Variants in ELK3 observed in about 807,000 individuals in gnomAD.
ELK3 encodes ETS domain-containing protein Elk-3.
Under a neutral mutation model 28.9 loss-of-function variants are expected in ELK3, and 10 were observed. The ratio of observed to expected loss-of-function variants is 0.35; its 90% CI spans 0.21 to 0.59. The LOEUF is 0.59. Among genes scored for constraint, ELK3 ranks in the 20% least tolerant of loss-of-function variants. The pLI, the probability that ELK3 is intolerant of heterozygous loss-of-function variation, is 0.82. For synonymous variants in ELK3, 272 were observed against 243.5 expected (o/e 1.12, Z -1.09); for missense variants, 463 against 517.3 (o/e 0.90, Z 1.02).
At chr12:96,195,281 T>TG (rs139536848) in intron 1 of ELK3, among the ~76,000 whole-genome samples, 1 of 149,578 alleles carries the variant, frequency 6.7e-6, no homozygotes, top group Non-Finnish European at 1.5e-5. Context: ...GGTGTGGGGC[T>TG]GGGGGCTGCG....
chr12:96,250,007 A>G (rs1270544595), intron 3 of ELK3, among the ~76,000 whole-genome samples: 1 of 152,154 alleles, frequency 6.6e-6, no homozygotes, highest in Admixed American at 6.5e-5. Flanking sequence ...TAGTGCCAGG[A>G]AGCCCAGAAA....
At chr12:96,238,157 T>C (rs545049088) in intron 2 of ELK3, among the ~76,000 whole-genome samples, 196 of 152,284 alleles carry the variant, frequency 1.3e-3, no homozygotes, top group Non-Finnish European at 1.4e-3. Context: ...CAGAATAAAA[T>C]GAAAAGTGTG....
At chr12:96,219,769 A>G (rs1951649271) in intron 1 of ELK3, among the ~76,000 whole-genome samples, 1 of 152,206 alleles carries the variant, frequency 6.6e-6, no homozygotes, top group African/African-American at 2.4e-5. Flanking sequence ...TGCAATGATA[A>G]GCTCACAGGA....
rs1952042230 is a variant in ELK3, at chr12:96,267,310, G to C, written c.*130G>C. On this transcript the variant is annotated 3_prime_UTR_variant, in exon 5 of 5. Coordinates refer to ENST00000228741, the MANE Select transcript of ELK3 (RefSeq NM_005230.4). ...TTTGGTTTGCACTTTTCATAACATG[G>C]ATAGTCTAGATTTATGTTAGCATTT... 1 of 678,580 alleles carries C rather than the reference G, an allele frequency of 1.5e-6. No individual in the cohort carries two copies. The highest frequency in any genetic ancestry group is 2.4e-6 in the Non-Finnish European group (1 of 412,558). 42.0% of individuals were successfully genotyped at this position (678,580 alleles called of 1,614,324 possible).
At chr12:96,261,899 A>G (rs115879861) in intron 4 of ELK3, among the ~76,000 whole-genome samples, 19 of 152,224 alleles carry the variant, frequency 1.2e-4, no homozygotes, top group African/African-American at 3.9e-4. Context: ...CTGTAGACCA[A>G]TGGTTCTCAA....
intron 2 of ELK3, among the ~76,000 whole-genome samples, chr12:96,242,037 G>A (rs1293384821): frequency 6.6e-6 from 1 of 152,224 alleles, no homozygotes; most frequent in African/African-American, 2.4e-5. Flanking sequence ...AACCACGCTG[G>A]AGATGCACTC....
At chr12:96,263,106 T>C (rs183166817) in intron 4 of ELK3, among the ~76,000 whole-genome samples, 189 of 152,340 alleles carry the variant, frequency 1.2e-3, no homozygotes, top group African/African-American at 4.2e-3. Flanking sequence ...ATTGGAAAGG[T>C]TGATCAGAAT....
Position 96,247,621 on chromosome 12 carries a change from T to C in ELK3, c.889T>C (p.Leu297=). 6.2e-7 allele frequency: 1 copy of C among 1,613,630 alleles called. No individual in the cohort carries two copies. Among genetic ancestry groups the C allele is most frequent in the Non-Finnish European group, 8.5e-7 (1 of 1,179,998 alleles). ...LPPKAKKPKG[L]EISAPPLVLS... Reference sequence around the variant, plus strand: ...CCCAAAGGCCAAAAAACCCAAAGGCTTGGAAATCTCAGCGCCCCCGCTGGT... The same window carrying C: ...CCCAAAGGCCAAAAAACCCAAAGGCCTGGAAATCTCAGCGCCCCCGCTGGT... Residue 297 remains leucine, a synonymous_variant, in exon 3 of 5, where the codon TTG becomes CTG. Transcript: ENST00000228741. The surrounding 1 kb of genome is among the most constrained non-coding windows in gnomAD (Gnocchi z 5.5).
chr12:96,266,968 T>A, intron 4 of ELK3, 114 bp from the exon 5 acceptor site: 1 of 728,938 alleles, frequency 1.4e-6, no homozygotes. Context: ...CTAATCTCTA[T>A]CACAGGGGTG....
chr12:96,254,587 A>C (rs1175265182), intron 3 of ELK3, among the ~76,000 whole-genome samples: 1 of 152,166 alleles, frequency 6.6e-6, no homozygotes, highest in Non-Finnish European at 1.5e-5. Flanking sequence ...AGTTCAGGTC[A>C]ACACACATGA....
At chr12:96,220,744 G>A (rs1478356635) in intron 1 of ELK3, among the ~76,000 whole-genome samples, 1 of 152,094 alleles carries the variant, frequency 6.6e-6, no homozygotes, top group Non-Finnish European at 1.5e-5. Context: ...CAGCACCCCA[G>A]CAAAGGGAGA....
rs542014320 is a variant in ELK3, at chr12:96,247,949, T to G, written c.1002+215T>G. 2.3e-4 allele frequency among the ~76,000 whole-genome samples: 35 copies of G among 152,356 alleles called. No individual in the cohort carries two copies. The highest frequency in any genetic ancestry group is 7.9e-4 in the African/African-American group (33 of 41,586). On this transcript the variant is annotated intron_variant, in intron 3 of 4. Coordinates refer to ENST00000228741, the MANE Select transcript of ELK3 (RefSeq NM_005230.4). This position sits in a 1 kb window ranked among gnomAD's most constrained non-coding sequence, Gnocchi z 5.5. ...TGGTTTGTCGACTCTAGTGGGATGC[T>G]TGATTGGTTTCTTGCTTTTAGCGGC...
chr12:96,253,559 G>A (rs1951924040), intron 3 of ELK3, among the ~76,000 whole-genome samples: 1 of 152,220 alleles, frequency 6.6e-6, no homozygotes. Context: ...GGAGCTTCCA[G>A]AGATTCAGTC....
intron 1 of ELK3, among the ~76,000 whole-genome samples, chr12:96,216,527 C>T (rs954847463): frequency 6.6e-5 from 10 of 152,204 alleles, no homozygotes; most frequent in Non-Finnish European, 4.4e-5. Context: ...CCCTGGATTT[C>T]AGTGCCTGTG....
intron 2 of ELK3, among the ~76,000 whole-genome samples, chr12:96,245,281 A>G (rs970292099): frequency 1.3e-5 from 2 of 152,200 alleles, no homozygotes; most frequent in African/African-American, 2.4e-5. Context: ...AGGCACATCA[A>G]CATTCAGTTG....
intron 1 of ELK3, among the ~76,000 whole-genome samples, chr12:96,208,467 A>G (rs1462629355): frequency 5.3e-5 from 8 of 152,230 alleles, no homozygotes; most frequent in African/African-American, 1.2e-4. Context: ...AGAGCATGCA[A>G]TGGCGTCTCT....
intron 2 of ELK3, among the ~76,000 whole-genome samples, chr12:96,225,764 C>A (rs1157786616): frequency 6.6e-6 from 1 of 152,198 alleles, no homozygotes; most frequent in East Asian, 1.9e-4. Context: ...ATTTCCTTTG[C>A]CTTTGAGTGT....
chr12:96,215,240 G>T (rs1951603871), intron 1 of ELK3, among the ~76,000 whole-genome samples: 1 of 152,094 alleles, frequency 6.6e-6, no homozygotes, highest in Admixed American at 6.5e-5. Context: ...GGAAGTGCTA[G>T]GTTGCCATCA....
chr12:96,231,193 ATGGTGTGAATTTT>A (rs1951739370), intron 2 of ELK3, among the ~76,000 whole-genome samples: 1 of 152,010 alleles, frequency 6.6e-6, no homozygotes, highest in African/African-American at 2.4e-5. Flanking sequence ...TGTAGTTCTG[ATGGTGTGAATTTT>A]TGGATAAGTT....
Sources: gnomAD v4.1 joint callset for allele counts (sites outside exome capture counted in the v4.1 genomes callset) on GRCh38, gnomAD v4.1.1 for gene constraint, Gnocchi (gnomAD v3.1) non-coding constraint, MANE v1.5 for transcripts, NCBI Gene and HGNC (gene_info 2026-07-23, HGNC 2026-07-21) for gene names.